Variants in UBE2J1 observed in about 807,000 individuals in gnomAD.
UBE2J1 encodes the protein ubiquitin-conjugating enzyme E2 J1.
Under a neutral mutation model 42.1 loss-of-function variants are expected in UBE2J1, and 17 were observed. The observed-to-expected ratio is 0.40, with a 90% CI of 0.28 to 0.61. UBE2J1 has a LOEUF of 0.61. Ranked by LOEUF, UBE2J1 falls within the 20% of genes least tolerant of loss-of-function variation. UBE2J1 has a pLI of 0.38. For missense variants in UBE2J1, 291 were observed against 389.4 expected (o/e 0.75, Z 2.13); for synonymous variants, 127 against 137.2 (o/e 0.93, Z 0.52).
chr6:89,345,941 C>T (rs907189811), intron 1 of UBE2J1, among the ~76,000 whole-genome samples: 2 of 150,760 alleles, frequency 1.3e-5, no homozygotes, highest in African/African-American at 4.9e-5. Context: ...GGCCGGAGGG[C>T]AGTGGTACGA....
At chr6:89,343,904 T>C (rs1304130222) in intron 1 of UBE2J1, 148 bp from the exon 2 acceptor site, 2 of 558,674 alleles carry the variant, frequency 3.6e-6, no homozygotes, top group Non-Finnish European at 6.1e-6. Flanking sequence ...TGGGAATAAA[T>C]AGAGGGGGAG....
intron 3 of UBE2J1, among the ~76,000 whole-genome samples, chr6:89,339,130 T>C (rs1235698288): frequency 6.6e-6 from 1 of 151,728 alleles, no homozygotes; most frequent in African/African-American, 2.4e-5. Flanking sequence ...ATAATTAACA[T>C]GTAAAGTTTT....
At chr6:89,347,201 G>A (rs1210050381) in intron 1 of UBE2J1, among the ~76,000 whole-genome samples, 1 of 152,006 alleles carries the variant, frequency 6.6e-6, no homozygotes, top group Admixed American at 6.6e-5. Flanking sequence ...ACTCCTGAAG[G>A]GACCCATAGA....
intron 1 of UBE2J1, among the ~76,000 whole-genome samples, chr6:89,349,889 C>T (rs1174509408): frequency 6.6e-6 from 1 of 152,166 alleles, no homozygotes; most frequent in Non-Finnish European, 1.5e-5. Flanking sequence ...AAAGGAGGTG[C>T]TTTATACACA....
rs1008225179 is a variant in UBE2J1, at chr6:89,328,299, T to C, written c.*1380A>G. 2 of 152,200 alleles carry C rather than the reference T, an allele frequency of 1.3e-5. No homozygotes were observed. The highest frequency in any genetic ancestry group is 4.8e-5 in the African/African-American group (2 of 41,436). The allele number at this position is 152,200 out of a possible 1,614,324, so 9.4% of individuals were successfully genotyped here. ...TTCTCTTGTCCATAATTTCACTTAG[T>C]TAAAACCACATAAGGACTTTATGAA... is the stretch of plus-strand genomic sequence containing the variant. On this transcript the variant is annotated 3_prime_UTR_variant, in exon 8 of 8. Coordinates refer to ENST00000435041, the MANE Select transcript of UBE2J1 (RefSeq NM_016021.3).
At position 89,333,224 on chromosome 6, in the gene UBE2J1, CAA is replaced by C; in HGVS notation, c.559-21_559-20del. On this transcript the variant is annotated intron_variant, in intron 6 of 7. Transcript: ENST00000435041. ...CTTCTGCCTATAAACAAGATAGACC[CAA>C]GAGCAGTGTGACAACAGGAAACAAC... 4 of 1,596,220 alleles carry C rather than the reference CAA, an allele frequency of 2.5e-6. No individual in the cohort carries two copies. The highest frequency in any genetic ancestry group is 3.4e-6 in the Non-Finnish European group (4 of 1,173,320).
At chr6:89,346,794 T>C (rs1484049342) in intron 1 of UBE2J1, among the ~76,000 whole-genome samples, 1 of 152,226 alleles carries the variant, frequency 6.6e-6, no homozygotes. Context: ...TGAGTCTCCT[T>C]GCTCTATGCC....
chr6:89,333,219 A>C lies in UBE2J1; in HGVS notation c.559-14T>G. 6.2e-7 allele frequency: 1 copy of C among 1,604,480 alleles called. No individual in the cohort carries two copies. Among genetic ancestry groups the C allele is most frequent in the Non-Finnish European group, 8.5e-7 (1 of 1,176,182 alleles). The stretch of plus-strand genomic sequence containing the variant: ...ATTGACTTCTGCCTATAAACAAGAT[A>C]GACCCAAGAGCAGTGTGACAACAGG... On this transcript the variant is annotated splice_polypyrimidine_tract_variant and intron_variant, in intron 6 of 7. Coordinates refer to ENST00000435041, the MANE Select transcript of UBE2J1 (RefSeq NM_016021.3).
chr6:89,348,406 G>A (rs1430260376), intron 1 of UBE2J1, among the ~76,000 whole-genome samples: 1 of 152,132 alleles, frequency 6.6e-6, no homozygotes, highest in African/African-American at 2.4e-5. Context: ...TCTTCTACAG[G>A]CCACTGCTTC....
At position 89,329,918 on chromosome 6, in the gene UBE2J1, G is replaced by C. The variant is rs1222148920; in HGVS notation, c.718C>G (p.Pro240Ala). 8.7e-6 allele frequency: 14 copies of C among 1,614,078 alleles called. No homozygotes were observed. The South Asian group carries it at 1.5e-4, about 18-fold the overall frequency. ...GTATTCTTAGCTACAGGTTGGGTAG[G>C]TTGATGAAAGGATGCTGCTGAGGAA... Reference protein sequence around the residue: ...QNSSAASFHQPTQPVAKNTSM... With the variant: ...QNSSAASFHQATQPVAKNTSM... The change falls in exon 8 of 8, where the codon CCT (proline) becomes GCT (alanine). Residue 240 changes from proline (P) to alanine (A), a missense_variant. Pro to Ala is a conservative substitution (Grantham distance 27, BLOSUM62 -1). Around this residue, in one of 2 missense-constraint regions of UBE2J1, gnomAD observed 176 missense variants for 196.3 expected, o/e 0.90. Transcript: ENST00000435041.
intron 7 of UBE2J1, among the ~76,000 whole-genome samples, chr6:89,332,293 A>T (rs1252058725): frequency 6.6e-6 from 1 of 152,224 alleles, no homozygotes; most frequent in Non-Finnish European, 1.5e-5. Context: ...TATAGGAAGG[A>T]AAATCATTTT....
At chr6:89,347,643 T>C (rs147602547) in intron 1 of UBE2J1, among the ~76,000 whole-genome samples, 1 of 152,356 alleles carries the variant, frequency 6.6e-6, no homozygotes, top group Non-Finnish European at 1.5e-5. Context: ...AGAGCTAAGG[T>C]CATGTAGCCA....
rs1768292337 is a variant in UBE2J1 at position 89,343,424 on chromosome 6, G to C, written c.105+259C>G. Among the ~76,000 whole-genome samples the C allele has an allele frequency of 5.9e-5, 7 of 117,722 alleles. No individual in the cohort carries two copies. The Admixed American group carries it at 6.1e-4, about 10-fold the overall frequency. The allele number at this position is 117,722 out of a possible 152,430, so 77.2% of individuals were successfully genotyped here. A position where few individuals can be genotyped will look rare whatever the true frequency, so the allele number is the denominator to read the frequency against. On this transcript the variant is annotated intron_variant, in intron 2 of 7. Coordinates refer to ENST00000435041, the MANE Select transcript of UBE2J1 (RefSeq NM_016021.3). ...CACTCCAGCCTGGGCAACACAGTGA[G>C]ACTCCGCCTCAAAAAAAAAAAAAAA... is the stretch of plus-strand genomic sequence containing the variant.
At chr6:89,350,427 A>C (rs1224057674) in intron 1 of UBE2J1, among the ~76,000 whole-genome samples, 1 of 152,070 alleles carries the variant, frequency 6.6e-6, no homozygotes, top group Non-Finnish European at 1.5e-5. Flanking sequence ...CACAGGCATT[A>C]CTCTAAAAAT....
At chr6:89,338,392 A>G (rs575483273) in intron 4 of UBE2J1, 67 bp downstream of exon 4, 2 of 1,564,062 alleles carry the variant, frequency 1.3e-6, no homozygotes, top group South Asian at 1.1e-5. Flanking sequence ...AAATCAGAGT[A>G]TTATACTTCA....
In UBE2J1 at chr6:89,329,806, G is replaced by T. The variant is rs149761290; in HGVS notation, c.830C>A (p.Pro277Gln). The change falls in exon 8 of 8, where the codon CCA (proline) becomes CAA (glutamine). Residue 277 changes from proline to glutamine, a missense_variant. This residue lies in a region of UBE2J1 where 176 missense variants were observed against 196.3 expected (regional missense o/e 0.90). Coordinates refer to ENST00000435041, the MANE Select transcript of UBE2J1 (RefSeq NM_016021.3). ...ACCATGATCAGTGTGGTTGTCTCTT[G>T]GCTGGTGGCCCTGGATTACATCTGG... ...TSPDVIQGHQPRDNHTDHGGS... is the reference protein window; with the variant it reads ...TSPDVIQGHQQRDNHTDHGGS... 4 of 1,614,112 alleles carry T rather than the reference G, an allele frequency of 2.5e-6. No homozygotes were observed. In the African/African-American group the frequency reaches 5.3e-5, roughly 22 times the overall value.
chr6:89,350,311 ATTGTGTGG>A (rs1768447641), intron 1 of UBE2J1, among the ~76,000 whole-genome samples: 1 of 152,098 alleles, frequency 6.6e-6, no homozygotes. Context: ...TATCCCTCAC[ATTGTGTGG>A]TTGTTTTTTG....
In UBE2J1 at chr6:89,335,359, G is replaced by C. The variant is rs572279887; in HGVS notation, c.501C>G (p.Ser167Arg). The C allele has an allele frequency of 6.2e-7, 1 of 1,608,442 alleles. No individual in the cohort carries two copies. Among genetic ancestry groups the C allele is most frequent in the East Asian group, 2.2e-5 (1 of 44,694 alleles). Reference protein sequence around the residue: ...KDVLLPLKSGSDSSQADQEAK... With the variant: ...KDVLLPLKSGRDSSQADQEAK... ...CTTCTTGGTCAGCTTGGCTTGAATC[G>C]CTTCCAGATTTTAAAGGCAACAGGA... The change falls in exon 6 of 8, where the codon AGC becomes AGG. Residue 167 changes from serine to arginine, a missense_variant. This residue lies in a region of UBE2J1 where 176 missense variants were observed against 196.3 expected (regional missense o/e 0.90). Coordinates refer to ENST00000435041, the MANE Select transcript of UBE2J1 (RefSeq NM_016021.3).
At chr6:89,345,408 C>A (rs1434237125) in intron 1 of UBE2J1, among the ~76,000 whole-genome samples, 2 of 152,062 alleles carry the variant, frequency 1.3e-5, no homozygotes, top group East Asian at 3.9e-4. Flanking sequence ...TCGAGACTAG[C>A]CTGGCCAACA....
Sources: allele counts gnomAD v4.1 joint callset (sites outside exome capture counted in the v4.1 genomes callset), GRCh38; gene constraint gnomAD v4.1.1; regional missense constraint gnomAD v4.1.1; transcripts MANE v1.5; gene names NCBI Gene and HGNC (gene_info 2026-07-23, HGNC 2026-07-21).